Variants in ARHGEF11 observed in about 807,000 individuals in gnomAD.
ARHGEF11 encodes Rho guanine nucleotide exchange factor 11.
In ARHGEF11, 55 loss-of-function variants were observed where a neutral mutation model predicts 193.7. The observed-to-expected ratio is 0.28, with a 90% CI of 0.23 to 0.36. ARHGEF11 has a LOEUF of 0.36. Among genes scored for constraint, ARHGEF11 ranks in the 10% least tolerant of loss-of-function variants. ARHGEF11 has a pLI of 1.00. For synonymous variants in ARHGEF11, 693 were observed against 768.0 expected, an observed-to-expected ratio of 0.90 and a Z score of 1.62; for missense variants, 1,723 against 2,005.6, an observed-to-expected ratio of 0.86 and a Z score of 2.69.
chr1:156,987,084 G>T (rs1414261145), intron 1 of ARHGEF11, among the ~76,000 whole-genome samples: 2 of 152,208 alleles, frequency 1.3e-5, no homozygotes, highest in African/African-American at 2.4e-5. Context: ...AGGAATAGAA[G>T]AAATTTCAAT....
chr1:156,980,246 A>C (rs1057135951), intron 4 of ARHGEF11, among the ~76,000 whole-genome samples, 191 bp downstream of exon 4: 1 of 152,252 alleles, frequency 6.6e-6, no homozygotes, highest in African/African-American at 2.4e-5. Context: ...AAAATGTAGA[A>C]CACAGCTATC....
intron 10 of ARHGEF11, among the ~76,000 whole-genome samples, 183 bp downstream of exon 10, chr1:156,969,099 G>C (rs1261250287): frequency 6.6e-6 from 1 of 152,214 alleles, no homozygotes; most frequent in Non-Finnish European, 1.5e-5. Context: ...TGATAATCTT[G>C]CATGTTGGAT....
At chr1:157,035,358 A>G (rs926989122) in intron 1 of ARHGEF11, among the ~76,000 whole-genome samples, 1 of 151,862 alleles carries the variant, frequency 6.6e-6, no homozygotes, top group Non-Finnish European at 1.5e-5. Flanking sequence ...AAATGCCCTA[A>G]CAACACTCAC....
intron 6 of ARHGEF11, among the ~76,000 whole-genome samples, chr1:156,977,568 A>G (rs566967161): frequency 6.6e-6 from 1 of 151,998 alleles, no homozygotes; most frequent in Non-Finnish European, 1.5e-5. Context: ...GCATGCCACC[A>G]TGTCTGGCTA....
At chr1:157,005,199 A>C (rs1043035373) in intron 1 of ARHGEF11, among the ~76,000 whole-genome samples, 1 of 152,066 alleles carries the variant, frequency 6.6e-6, no homozygotes, top group Non-Finnish European at 1.5e-5. Flanking sequence ...TGGGCAGTGG[A>C]TTTGCTCAGC....
rs775770721 is a variant in ARHGEF11 at position 156,963,302 on chromosome 1, G to A, written c.1041C>T (p.Ser347=). 15 of 1,613,366 alleles carry A rather than the reference G, an allele frequency of 9.3e-6. No homozygotes were observed. The highest frequency in any genetic ancestry group is 4.4e-5 in the South Asian group (4 of 90,988). ...TCTCCAGATCCTGGAATATGATGTCGCTCTGGAAGGCAGAAGGATGAGCAT... is the reference window on the plus strand; with the variant it reads ...TCTCCAGATCCTGGAATATGATGTCACTCTGGAAGGCAGAAGGATGAGCAT... ...DYDPGYFNNE[S]DIIFQDLEKL... The change falls in exon 13 of 41, where the codon AGC becomes AGT. Residue 347 remains serine, a splice_region_variant and synonymous_variant. Coordinates refer to ENST00000368194, the MANE Select transcript of ARHGEF11 (RefSeq NM_198236.3).
intron 15 of ARHGEF11, among the ~76,000 whole-genome samples, chr1:156,960,109 C>T (rs76516948): frequency 0.037 from 5,583 of 152,146 alleles, 368 homozygotes; most frequent in African/African-American, 0.13. Flanking sequence ...GATAAGCCAA[C>T]GGAGGCCCAG....
At chr1:157,001,133 A>T (rs1667160478) in intron 1 of ARHGEF11, among the ~76,000 whole-genome samples, 1 of 152,038 alleles carries the variant, frequency 6.6e-6, no homozygotes, top group African/African-American at 2.4e-5. Flanking sequence ...TGCTATCATC[A>T]CAGATCCCTG....
chr1:157,029,353 T>A (rs1671032162), intron 1 of ARHGEF11, among the ~76,000 whole-genome samples: 1 of 151,892 alleles, frequency 6.6e-6, no homozygotes, highest in Admixed American at 6.6e-5. Flanking sequence ...CACTACAACC[T>A]CCAGCTCCTG....
intron 1 of ARHGEF11, among the ~76,000 whole-genome samples, chr1:156,995,412 C>T (rs751477345): frequency 4.7e-4 from 72 of 152,324 alleles, no homozygotes; most frequent in Non-Finnish European, 6.6e-4. Flanking sequence ...GGGGAACCCA[C>T]ACTCATTCCT....
chr1:156,939,004 G>A (rs71630644), intron 37 of ARHGEF11: 369 of 181,052 alleles, frequency 2.0e-3, no homozygotes, highest in Non-Finnish European at 3.2e-3. Context: ...TTCCCAACCC[G>A]GGGTGCCCTC....
intron 7 of ARHGEF11, 146 bp from the exon 8 acceptor site, chr1:156,971,962 C>G (rs535193786): frequency 7.4e-6 from 7 of 946,664 alleles, no homozygotes; most frequent in Middle Eastern, 3.5e-4. Context: ...AGTAGATGCA[C>G]GGTATTTCAA....
At chr1:156,994,717 A>G (rs149152996) in intron 1 of ARHGEF11, among the ~76,000 whole-genome samples, 5 of 152,268 alleles carry the variant, frequency 3.3e-5, no homozygotes, top group Admixed American at 3.3e-4. Context: ...TATGGTTTTA[A>G]AAGCACAGCT....
rs1668036456 is a variant in ARHGEF11, at chr1:157,007,920, T to TG, written c.33-21748_33-21747insC. Among the ~76,000 whole-genome samples the TG allele has an allele frequency of 5.1e-5, 7 of 136,840 alleles. 1 individual carries two copies. Among genetic ancestry groups the TG allele is most frequent in the African/African-American group, 1.6e-4 (6 of 37,024 alleles). The allele number at this position is 136,840 out of a possible 152,430, so 89.8% of individuals were successfully genotyped here. The stretch of plus-strand genomic sequence containing the variant: ...AAAGGTTTTTTTTTTTTTGTTTTTT[T>TG]TTTTTTTGTCTCTTTTGTTCTCTGT... On this transcript the variant is annotated intron_variant, in intron 1 of 40. Coordinates refer to ENST00000368194, the MANE Select transcript of ARHGEF11 (RefSeq NM_198236.3).
At chr1:156,953,833 TG>T (rs1177729852) in intron 21 of ARHGEF11, among the ~76,000 whole-genome samples, 5 of 152,234 alleles carry the variant, frequency 3.3e-5, no homozygotes, top group African/African-American at 1.2e-4. Context: ...ATCACATTAA[TG>T]TTTTAAATAC....
intron 1 of ARHGEF11, among the ~76,000 whole-genome samples, chr1:157,035,775 G>A (rs1454902378): frequency 8.6e-6 from 1 of 115,872 alleles, no homozygotes; most frequent in African/African-American, 3.2e-5. Flanking sequence ...TATATATACA[G>A]GAATATATAT....
intron 13 of ARHGEF11, among the ~76,000 whole-genome samples, chr1:156,962,690 A>G (rs768723941): frequency 2.0e-5 from 3 of 151,796 alleles, no homozygotes; most frequent in South Asian, 2.1e-4. Flanking sequence ...CATCCTGGCT[A>G]ATACGGTGAA....
chr1:157,036,947 G>A (rs1488077809), intron 1 of ARHGEF11, among the ~76,000 whole-genome samples: 1 of 151,758 alleles, frequency 6.6e-6, no homozygotes, highest in Admixed American at 6.6e-5. Context: ...CCAACATGGT[G>A]AAACCCCGTC....
chr1:156,969,690 C>T (rs1305520953), intron 9 of ARHGEF11, among the ~76,000 whole-genome samples: 1 of 152,258 alleles, frequency 6.6e-6, no homozygotes, highest in African/African-American at 2.4e-5. Flanking sequence ...CCCATTTCTT[C>T]TTACAACAAA....
Sources: gnomAD v4.1 joint callset for allele counts (sites outside exome capture counted in the v4.1 genomes callset) on GRCh38, gnomAD v4.1.1 for gene constraint, MANE v1.5 for transcripts, NCBI Gene and HGNC (gene_info 2026-07-23, HGNC 2026-07-21) for gene names.